The following ZNF79 variants were observed in gnomAD, a reference collection of about 807,000 sequenced individuals.
ZNF79 encodes ZNFpT7.
In ZNF79, 13 loss-of-function variants were observed where a neutral mutation model predicts 14.9. The ratio of observed to expected loss-of-function variants is 0.87; its 90% CI spans 0.57 to 1.38. The LOEUF (loss-of-function observed/expected upper bound fraction) is 1.38, where lower values mean the gene tolerates loss of function less well. Ranked by LOEUF, ZNF79 falls within the 40% of genes most tolerant of loss-of-function variation. ZNF79 has a pLI of 0.00. For synonymous variants in ZNF79, 223 were observed against 235.1 expected, an observed-to-expected ratio of 0.95 and a Z score of 0.47; for missense variants, 631 against 630.6, an observed-to-expected ratio of 1.00 and a Z score of -0.01.
rs2131967836 is a variant in ZNF79, at chr9:127,445,071, C to T, written c.1371C>T (p.Ser457=). ...AGTGTGGTAAAGCGTTTAACCAGAG[C>T]TCATCCCTTAGTCAGCATCAGAGAA... is the stretch of plus-strand genomic sequence containing the variant. ...CNECGKAFNQ[S]SSLSQHQRIH... Residue 457 remains serine, a synonymous_variant, in exon 5 of 5, where the codon AGC becomes AGT. Transcript: ENST00000342483. 6.2e-7 allele frequency: 1 copy of T among 1,612,940 alleles called. No homozygotes were observed. The highest frequency in any genetic ancestry group is 8.5e-7 in the Non-Finnish European group (1 of 1,179,750).
intron 4 of ZNF79, among the ~76,000 whole-genome samples, chr9:127,439,376 CA>C (rs1834010737): frequency 6.6e-6 from 1 of 152,042 alleles, no homozygotes; most frequent in African/African-American, 2.4e-5. Flanking sequence ...CTTATTTCAC[CA>C]ATTAACATAT....
chr9:127,442,624 G>A (rs1564237822), intron 4 of ZNF79, among the ~76,000 whole-genome samples: 1 of 152,096 alleles, frequency 6.6e-6, no homozygotes. Flanking sequence ...TTTTCTTTGG[G>A]AGGCTGAGGC....
intron 4 of ZNF79, 66 bp downstream of exon 4, chr9:127,436,069 G>A (rs1370312363): frequency 7.8e-7 from 1 of 1,286,030 alleles, no homozygotes; most frequent in Non-Finnish European, 1.1e-6. Context: ...TCACGCATGA[G>A]TGTATTTGAT....
intron 4 of ZNF79, among the ~76,000 whole-genome samples, chr9:127,440,947 C>T (rs543705021): frequency 6.6e-6 from 1 of 152,148 alleles, no homozygotes; most frequent in Admixed American, 6.6e-5. Context: ...GTGTGTCAGG[C>T]CTGAGATGTC....
rs565352058 is a variant in ZNF79, at chr9:127,441,402, C to T, written c.329-2627C>T. On this transcript the variant is annotated intron_variant, in intron 4 of 4. Coordinates refer to ENST00000342483, the MANE Select transcript of ZNF79 (RefSeq NM_007135.3). The stretch of plus-strand genomic sequence containing the variant: ...TGATTCTGTGAGGGAGCTGCTTTCA[C>T]AGGTGATAAATCCAAGGTTTCAAAA... 2.0e-5 allele frequency among the ~76,000 whole-genome samples: 3 copies of T among 152,332 alleles called. No homozygotes were observed. The East Asian group carries it at 5.8e-4, about 29-fold the overall frequency.
chr9:127,445,182 C>T lies in ZNF79; in HGVS notation c.1482C>T (p.Leu494=), dbSNP rs374865794. The change falls in exon 5 of 5, where the codon CTC becomes CTT. Residue 494 remains leucine (L), a synonymous_variant. Coordinates refer to ENST00000342483, the MANE Select transcript of ZNF79 (RefSeq NM_007135.3). The part of the protein sequence containing the change: ...CSSAFVRHQR[L]HAGE The stretch of plus-strand genomic sequence containing the variant: ...CTGCCTTCGTTAGACATCAGAGACT[C>T]CACGCCGGAGAGTAACTAGGAACAT... 5.0e-6 allele frequency: 8 copies of T among 1,614,016 alleles called. No individual in the cohort carries two copies. The Admixed American group carries it at 1.0e-4, about 20-fold the overall frequency.
chr9:127,430,430 C>G (rs1477541084), intron 2 of ZNF79, among the ~76,000 whole-genome samples: 3 of 152,152 alleles, frequency 2.0e-5, no homozygotes, highest in Non-Finnish European at 4.4e-5. Context: ...CTCTCTCCTC[C>G]CTCTAGTAGT....
rs776578983 is a variant in ZNF79 at position 127,445,003 on chromosome 9, C to T, written c.1303C>T (p.His435Tyr). Residue 435 changes from histidine (H) to tyrosine (Y), a missense_variant, in exon 5 of 5, where the codon CAT becomes TAT. Coordinates refer to ENST00000342483, the MANE Select transcript of ZNF79 (RefSeq NM_007135.3). ...CAGTGAGAGCTCAGCCCTCATTCGG[C>T]ATCATATAATCCACACCGGAGAAAA... ...FFSESSALIR[H>Y]HIIHTGEKPY... 8.1e-6 allele frequency: 13 copies of T among 1,614,038 alleles called. No homozygotes were observed. The South Asian group carries it at 1.1e-4, about 14-fold the overall frequency.
Position 127,444,917 on chromosome 9 carries a change from T to C in ZNF79, c.1217T>C (p.Ile406Thr). The change falls in exon 5 of 5, where the codon ATC becomes ACC. Residue 406 changes from isoleucine (I) to threonine (T), a missense_variant. By Grantham distance (89) the Ile-to-Thr change is moderately conservative. Transcript: ENST00000342483. ...KAFSQSTNLI[I>T]HQKTHTGEKP... is the part of the protein sequence containing the mutation. ...TTCAGCCAGAGTACCAATCTCATAA[T>C]CCACCAAAAGACCCACACCGGGGAG... 5.0e-6 allele frequency: 8 copies of C among 1,599,000 alleles called. No individual in the cohort carries two copies. Among genetic ancestry groups the C allele is most frequent in the Non-Finnish European group, 6.8e-6 (8 of 1,175,118 alleles).
Position 127,435,889 on chromosome 9 carries a change from G to A in ZNF79, c.233-19G>A, listed in dbSNP as rs1564234319. 4 of 1,611,556 alleles carry A rather than the reference G, an allele frequency of 2.5e-6. No individual in the cohort carries two copies. In the Admixed American group the frequency reaches 6.7e-5, roughly 27 times the overall value. On this transcript the variant is annotated intron_variant, in intron 3 of 4. Coordinates refer to ENST00000342483, the MANE Select transcript of ZNF79 (RefSeq NM_007135.3). The stretch of plus-strand genomic sequence containing the variant: ...TACTTACTTACAATTTCTAAAGCCT[G>A]TTTTTTCCCGTTGAATAGGACTTCC...
At chr9:127,434,351 G>A (rs897197115) in intron 2 of ZNF79, among the ~76,000 whole-genome samples, 3 of 152,034 alleles carry the variant, frequency 2.0e-5, no homozygotes, top group African/African-American at 7.2e-5. Flanking sequence ...GGTGATATCT[G>A]CATTCACAGA....
At chr9:127,432,530 AT>A (rs11410911) in intron 2 of ZNF79, among the ~76,000 whole-genome samples, 172 of 144,234 alleles carry the variant, frequency 1.2e-3, no homozygotes, top group Non-Finnish European at 9.5e-4. Context: ...TTGGCTATGT[AT>A]TTTTTTTTTT....
At chr9:127,430,366 TCAG>T (rs1281288595) in intron 2 of ZNF79, among the ~76,000 whole-genome samples, 5 of 152,196 alleles carry the variant, frequency 3.3e-5, no homozygotes, top group Admixed American at 2.6e-4. Context: ...GTACCATCAC[TCAG>T]GTAGGGAGCA....
rs767030399 is a variant in ZNF79 at position 127,444,484 on chromosome 9, G to A, written c.784G>A (p.Ala262Thr). The A allele has an allele frequency of 2.5e-6, 4 of 1,610,414 alleles. No individual in the cohort carries two copies. The highest frequency in any genetic ancestry group is 1.3e-5 in the African/African-American group (1 of 74,714). Residue 262 changes from alanine to threonine, a missense_variant, in exon 5 of 5, where the codon GCC (alanine) becomes ACC (threonine). By Grantham distance (58) the Ala-to-Thr change is moderately conservative (BLOSUM62 0). Coordinates refer to ENST00000342483, the MANE Select transcript of ZNF79 (RefSeq NM_007135.3). ...ATGTGGAAGAGCCTTCAGCCAGAAC[G>A]CCAACCTCACCAAACACCAGCGAAC... is the stretch of plus-strand genomic sequence containing the variant. Reference protein sequence around the residue: ...SECGRAFSQNANLTKHQRTHT... With the variant: ...SECGRAFSQNTNLTKHQRTHT...
Position 127,428,865 on chromosome 9 carries a change from A to T in ZNF79, c.50A>T (p.Glu17Val). 6.2e-7 allele frequency: 1 copy of T among 1,605,756 alleles called. No homozygotes were observed. Among genetic ancestry groups the T allele is most frequent in the South Asian group, 1.1e-5 (1 of 89,828 alleles). ...TCCCCAGGCCCTGCCCTTCCCCAAG[A>T]GGAAAACACAGGAGAGGAAGGAATG... ...LPSPGPALPQ[E>V]ENTGEEGMAA... Residue 17 changes from glutamate to valine, a missense_variant, in exon 2 of 5, where the codon GAG (glutamate) becomes GTG (valine). Coordinates refer to ENST00000342483, the MANE Select transcript of ZNF79 (RefSeq NM_007135.3).
intron 4 of ZNF79, among the ~76,000 whole-genome samples, chr9:127,439,293 A>AG (rs1834008826): frequency 6.6e-6 from 1 of 152,162 alleles, no homozygotes; most frequent in Admixed American, 6.5e-5. Context: ...CATTAACTAC[A>AG]TGGATTCCAG....
In ZNF79 at chr9:127,444,018, T is replaced by G; in HGVS notation, c.329-11T>G. The G allele has an allele frequency of 6.9e-7, 1 of 1,456,338 alleles. No individual in the cohort carries two copies. Among genetic ancestry groups the G allele is most frequent in the Non-Finnish European group, 9.1e-7 (1 of 1,094,934 alleles). The allele number at this position is 1,456,338 out of a possible 1,614,324, so 90.2% of individuals were successfully genotyped here. The stretch of plus-strand genomic sequence containing the variant: ...CCAAGGGAACACAACAGCTTTTCAT[T>G]TTTTTTTCAGGCTGGAAGATTATAT... On this transcript the variant is annotated splice_polypyrimidine_tract_variant and intron_variant, in intron 4 of 4. Transcript: ENST00000342483.
chr9:127,426,603 T>G (rs1045996663), intron 1 of ZNF79, among the ~76,000 whole-genome samples: 1 of 152,226 alleles, frequency 6.6e-6, no homozygotes, highest in African/African-American at 2.4e-5. Flanking sequence ...CTTGAACGCC[T>G]GACCTCAGGC....
chr9:127,444,395 A>G lies in ZNF79; in HGVS notation c.695A>G (p.Gln232Arg), dbSNP rs1297329562. 6.2e-7 allele frequency: 1 copy of G among 1,612,612 alleles called. No homozygotes were observed. The highest frequency in any genetic ancestry group is 1.1e-5 in the South Asian group (1 of 90,958). The change falls in exon 5 of 5, where the codon CAG (glutamine) becomes CGG (arginine). Residue 232 changes from glutamine to arginine, a missense_variant. Coordinates refer to ENST00000342483, the MANE Select transcript of ZNF79 (RefSeq NM_007135.3). ...AGTGAATGTGGGAAGGCCTTCAGCC[A>G]GAGCTCATCTCTCATTCAGCACCAG... Reference protein sequence around the residue: ...ECSECGKAFSQSSSLIQHQRI... With the variant: ...ECSECGKAFSRSSSLIQHQRI...
Sources: gnomAD v4.1 joint callset for allele counts (sites outside exome capture counted in the v4.1 genomes callset) on GRCh38, gnomAD v4.1.1 for gene constraint, MANE v1.5 for transcripts, NCBI Gene and HGNC (gene_info 2026-07-23, HGNC 2026-07-21) for gene names.